CCDC85A: variants seen among roughly 807,000 people sequenced by gnomAD.
The protein encoded by CCDC85A is coiled-coil domain-containing protein 85A.
In CCDC85A, 38 loss-of-function variants were observed where a neutral mutation model predicts 50.2. The ratio of observed to expected loss-of-function variants is 0.76; its 90% CI spans 0.58 to 0.99. The LOEUF (loss-of-function observed/expected upper bound fraction) is 0.99, where lower values mean the gene tolerates loss of function less well. Ranked by LOEUF, CCDC85A falls within the 50% of genes least tolerant of loss-of-function variation. The probability of loss-of-function intolerance (pLI) is 0.00; values close to 1 mark genes in which losing one functional copy is unlikely to be tolerated. For missense variants in CCDC85A, 820 were observed against 742.0 expected (o/e 1.11, Z -1.22); for synonymous variants, 366 against 301.4 (o/e 1.21, Z -2.22).
chr2:56,304,912 CAAA>C (rs1364517188), intron 2 of CCDC85A, among the ~76,000 whole-genome samples: 2 of 140,776 alleles, frequency 1.4e-5, no homozygotes, highest in African/African-American at 2.8e-5. Context: ...AAACAAAAAA[CAAA>C]AAACAAACAA....
intron 2 of CCDC85A, among the ~76,000 whole-genome samples, chr2:56,265,058 T>G (rs1573129304): frequency 6.6e-6 from 1 of 152,174 alleles, no homozygotes; most frequent in East Asian, 1.9e-4. Context: ...TTCCTTTATT[T>G]TTCTCCATAG....
chr2:56,342,910 G>A lies in CCDC85A; in HGVS notation c.1272G>A (p.Glu424=), dbSNP rs1406953560. The A allele has an allele frequency of 3.1e-6, 5 of 1,597,018 alleles. No homozygotes were observed. The highest frequency in any genetic ancestry group is 2.3e-5 in the South Asian group (2 of 88,126). ...ESTLSYVRQL[E]ARVRQLEEEN... ...CCTTGTCCTATGTTAGGCAGCTGGA[G>A]GCAAGAGTAAGACAGCTGGAGGAAG... is the stretch of plus-strand genomic sequence containing the variant. The change falls in exon 3 of 6, where the codon GAG becomes GAA. Residue 424 remains glutamate, a synonymous_variant. Transcript: ENST00000407595.
chr2:56,235,568 G>A (rs1668971905), intron 2 of CCDC85A, among the ~76,000 whole-genome samples: 2 of 152,046 alleles, frequency 1.3e-5, no homozygotes, highest in Admixed American at 1.3e-4. Flanking sequence ...CAAACTTGGT[G>A]TCCATCCGTA....
intron 2 of CCDC85A, among the ~76,000 whole-genome samples, chr2:56,200,512 G>A (rs919060352): frequency 5.9e-5 from 9 of 152,190 alleles, no homozygotes; most frequent in African/African-American, 2.2e-4. Context: ...ATCTGCAAAA[G>A]AGTGAGGTTC....
In CCDC85A at chr2:56,375,908, G is replaced by A. The variant is rs1676312881; in HGVS notation, c.1545G>A (p.Gln515=). 3 of 1,613,676 alleles carry A rather than the reference G, an allele frequency of 1.9e-6. No homozygotes were observed. The highest frequency in any genetic ancestry group is 2.5e-6 in the Non-Finnish European group (3 of 1,179,810). The stretch of plus-strand genomic sequence containing the variant: ...GTGGACATGCCACACCTTCCCAGCA[G>A]CCTGAACCTGTGGTACATTCTCTTA... ...SFSGHATPSQ[Q]PEPVVHSLKV... is the part of the protein sequence containing the mutation. Residue 515 remains glutamine (Q), a synonymous_variant, in exon 5 of 6, where the codon CAG becomes CAA. Transcript: ENST00000407595.
Position 56,184,720 on chromosome 2 carries a change from G to C in CCDC85A, c.96G>C (p.Pro32=), listed in dbSNP as rs1006734289. The part of the protein sequence containing the change: ...PAGSSAAPPA[P]VEDLSKVSDE... ...GCTCGTCCGCGGCCCCGCCCGCGCC[G>C]GTGGAGGACCTGTCCAAAGTGTCGG... Residue 32 remains proline (P), a synonymous_variant, in exon 1 of 6, where the codon CCG becomes CCC. Coordinates refer to ENST00000407595, the MANE Select transcript of CCDC85A (RefSeq NM_001080433.2). The C allele has an allele frequency of 1.3e-6, 2 of 1,531,186 alleles. No individual in the cohort carries two copies. Among genetic ancestry groups the C allele is most frequent in the Middle Eastern group, 2.1e-4 (1 of 4,672 alleles). 94.8% of individuals were successfully genotyped at this position (1,531,186 alleles called of 1,614,324 possible).
intron 5 of CCDC85A, chr2:56,379,896 G>A (rs919175220): frequency 7.3e-5 from 42 of 575,426 alleles, no homozygotes; most frequent in African/African-American, 5.3e-4. Context: ...AAGCCACATC[G>A]TAGCTTAGCT....
intron 2 of CCDC85A, among the ~76,000 whole-genome samples, chr2:56,211,857 C>T (rs1677193100): frequency 6.6e-6 from 1 of 152,026 alleles, no homozygotes; most frequent in South Asian, 2.1e-4. Flanking sequence ...CTCCTCATCT[C>T]TAATATCTCC....
intron 3 of CCDC85A, among the ~76,000 whole-genome samples, chr2:56,360,968 T>C (rs1262605755): frequency 1.3e-5 from 2 of 151,884 alleles, no homozygotes; most frequent in Non-Finnish European, 2.9e-5. Flanking sequence ...AAATAGGGAG[T>C]AGAGGCCAGG....
intron 2 of CCDC85A, among the ~76,000 whole-genome samples, chr2:56,330,726 C>T (rs1431081335): frequency 2.0e-5 from 3 of 152,102 alleles, no homozygotes; most frequent in African/African-American, 4.8e-5. Flanking sequence ...TGCCATTTCC[C>T]CCATTTGAAA....
intron 1 of CCDC85A, among the ~76,000 whole-genome samples, 193 bp downstream of exon 1, chr2:56,185,093 C>A (rs967559043): frequency 6.6e-6 from 1 of 150,436 alleles, no homozygotes; most frequent in Non-Finnish European, 1.5e-5. Flanking sequence ...CTCCCCTCCT[C>A]TCCCCAACAC....
At chr2:56,278,573 TA>T (rs1431293883) in intron 2 of CCDC85A, among the ~76,000 whole-genome samples, 1 of 151,976 alleles carries the variant, frequency 6.6e-6, no homozygotes, top group Non-Finnish European at 1.5e-5. Flanking sequence ...TTTTATTTTT[TA>T]TTATTATTAT....
At chr2:56,211,769 T>C (rs1281473105) in intron 2 of CCDC85A, among the ~76,000 whole-genome samples, 1 of 152,026 alleles carries the variant, frequency 6.6e-6, no homozygotes, top group Middle Eastern at 3.2e-3. Flanking sequence ...CCCCTGTTAC[T>C]CAGACGCACA....
Position 56,205,193 on chromosome 2 carries a change from G to A in CCDC85A, c.1240+11753G>A, listed in dbSNP as rs543445161. On this transcript the variant is annotated intron_variant, in intron 2 of 5. Coordinates refer to ENST00000407595, the MANE Select transcript of CCDC85A (RefSeq NM_001080433.2). ...TTTACTGTCTTTGTACTAGATGGGA[G>A]AGTGTGGCTTATCAACTAAAGTTTG... 7.2e-5 allele frequency among the ~76,000 whole-genome samples: 11 copies of A among 152,242 alleles called. No individual in the cohort carries two copies. The South Asian group carries it at 2.3e-3, about 32-fold the overall frequency.
chr2:56,200,847 G>C (rs904884834), intron 2 of CCDC85A, among the ~76,000 whole-genome samples: 1 of 152,032 alleles, frequency 6.6e-6, no homozygotes, highest in African/African-American at 2.4e-5. Context: ...AATACAAGAA[G>C]TCTTGGGACT....
intron 3 of CCDC85A, among the ~76,000 whole-genome samples, chr2:56,361,240 C>G (rs1675509666): frequency 6.9e-6 from 1 of 145,510 alleles, no homozygotes; most frequent in Non-Finnish European, 1.5e-5. Context: ...GTTGACAGAG[C>G]AAGACTCCGT....
intron 2 of CCDC85A, among the ~76,000 whole-genome samples, chr2:56,211,851 T>A (rs574190809): frequency 6.6e-6 from 1 of 152,052 alleles, no homozygotes. Flanking sequence ...GATGTTCTCC[T>A]CATCTCTAAT....
chr2:56,335,589 G>C (rs1674031396), intron 2 of CCDC85A, among the ~76,000 whole-genome samples: 2 of 147,284 alleles, frequency 1.4e-5, no homozygotes, highest in Admixed American at 1.4e-4. Context: ...GACAGCAAGA[G>C]GGGGCCAAAC....
At chr2:56,346,846 A>G (rs767233927) in intron 3 of CCDC85A, among the ~76,000 whole-genome samples, 16 of 152,234 alleles carry the variant, frequency 1.1e-4, no homozygotes, top group Non-Finnish European at 2.2e-4. Context: ...CTTACAGTAC[A>G]CATAATACAC....
Sources: allele counts gnomAD v4.1 joint callset (sites outside exome capture counted in the v4.1 genomes callset), GRCh38; gene constraint gnomAD v4.1.1; transcripts MANE v1.5; gene names NCBI Gene and HGNC (gene_info 2026-07-23, HGNC 2026-07-21).